The following DPP6 variants were observed in gnomAD, a reference collection of about 807,000 sequenced individuals.
DPP6 encodes the protein dipeptidyl peptidase like 6.
DPP6 carries 69 observed loss-of-function variants against 122.6 expected under a neutral mutation model. The ratio of observed to expected loss-of-function variants is 0.56; its 90% CI spans 0.46 to 0.69. The LOEUF (loss-of-function observed/expected upper bound fraction) is 0.69, where lower values mean the gene tolerates loss of function less well. DPP6 is among the 30% of genes least tolerant of loss of function. The pLI is 0.00. For synonymous variants in DPP6, 418 were observed against 433.1 expected (o/e 0.97, Z 0.43); for missense variants, 928 against 1,116.9 (o/e 0.83, Z 2.41).
At position 154,574,864 on chromosome 7, in the gene DPP6, T is replaced by C. The variant is rs1271322356; in HGVS notation, c.627+7948T>C. Among the ~76,000 whole-genome samples, 73 of 143,388 alleles carry C rather than the reference T, an allele frequency of 5.1e-4. 1 individual carries two copies. Among genetic ancestry groups the C allele is most frequent in the Non-Finnish European group, 5.3e-4 (35 of 65,748 alleles). 94.1% of individuals were successfully genotyped at this position (143,388 alleles called of 152,430 possible). A position where few individuals can be genotyped will look rare whatever the true frequency, so the allele number is the denominator to read the frequency against. Reference sequence around the variant, plus strand: ...ACGTGTGTGATGTGTGTGGTGTGTGTGTTTGTGTGTTGTGTGTGTGTGGTG... The same window carrying C: ...ACGTGTGTGATGTGTGTGGTGTGTGCGTTTGTGTGTTGTGTGTGTGTGGTG... On this transcript the variant is annotated intron_variant, in intron 5 of 25. Transcript: ENST00000377770.
At position 154,600,351 on chromosome 7, in the gene DPP6, A is replaced by T. The variant is rs527630562; in HGVS notation, c.627+33435A>T. 2.6e-5 allele frequency among the ~76,000 whole-genome samples: 3 copies of T among 116,636 alleles called. 1 individual carries two copies. Among genetic ancestry groups the T allele is most frequent in the Non-Finnish European group, 5.8e-5 (3 of 52,156 alleles). 76.5% of individuals were successfully genotyped at this position (116,636 alleles called of 152,430 possible). A position where few individuals can be genotyped will look rare whatever the true frequency, so the allele number is the denominator to read the frequency against. ...ACCATGTTGGCCAGGCTGGTCTCGA[A>T]CTCCTGACCTCAGGTGATCCACCTG... On this transcript the variant is annotated intron_variant, in intron 5 of 25. Coordinates refer to ENST00000377770, the MANE Select transcript of DPP6 (RefSeq NM_130797.4).
intron 1 of DPP6, among the ~76,000 whole-genome samples, chr7:154,256,958 C>A (rs1045774699): frequency 6.6e-6 from 1 of 151,706 alleles, no homozygotes; most frequent in Non-Finnish European, 1.5e-5. Context: ...GCATGAAATA[C>A]CCCCTTGGGT....
upstream of DPP6, among the ~76,000 whole-genome samples, chr7:153,882,476 A>G (rs1798782569): frequency 6.6e-6 from 1 of 152,246 alleles, no homozygotes; most frequent in Non-Finnish European, 1.5e-5. Context: ...AATAACACTG[A>G]TAAAGTGACA....
At chr7:154,646,343 A>G (rs907806882) in intron 6 of DPP6, among the ~76,000 whole-genome samples, 1 of 152,108 alleles carries the variant, frequency 6.6e-6, no homozygotes, top group African/African-American at 2.4e-5. Flanking sequence ...GTGTCCAGTC[A>G]TTGCTCCCAA....
At chr7:153,918,458 ACACACACACTCTCTCTCT>A (rs1800431903) in intron 1 of DPP6, among the ~76,000 whole-genome samples, 1 of 95,200 alleles carries the variant, frequency 1.1e-5, no homozygotes, top group Non-Finnish European at 2.3e-5. Flanking sequence ...ACACACACAC[ACACACACACTCTCTCTCT>A]CTCTCTCTCT....
Position 154,794,127 on chromosome 7 carries a change from C to A in DPP6, c.1185C>A (p.Ala395=). 1 of 1,613,614 alleles carries A rather than the reference C, an allele frequency of 6.2e-7. No homozygotes were observed. Among genetic ancestry groups the A allele is most frequent in the Non-Finnish European group, 8.5e-7 (1 of 1,179,712 alleles). Residue 395 remains alanine (A), a synonymous_variant, in exon 11 of 26, where the codon GCC becomes GCA. Transcript: ENST00000377770. ...AGTGGGCCACCAGCACCAAGGTCGC[C>A]GTGACCTGGCTGAACCGGGCGCAGA... ...MVKWATSTKV[A]VTWLNRAQNV... is the part of the protein sequence containing the mutation.
chr7:154,189,514 G>A (rs1798510924), intron 1 of DPP6, among the ~76,000 whole-genome samples: 1 of 152,224 alleles, frequency 6.6e-6, no homozygotes, highest in Non-Finnish European at 1.5e-5. Context: ...GCACCACTTA[G>A]TAAGATGTTT....
intron 16 of DPP6, among the ~76,000 whole-genome samples, chr7:154,839,489 T>C (rs1192486583): frequency 6.6e-6 from 1 of 152,174 alleles, no homozygotes; most frequent in Non-Finnish European, 1.5e-5. Context: ...CTCTGTGAAA[T>C]GGGGACGTAG....
rs1345005567 is a variant in DPP6 at position 154,319,977 on chromosome 7, C to A, written c.244-126237C>A. The stretch of plus-strand genomic sequence containing the variant: ...CTGTACTCCAGCCTGGGTGACAGAG[C>A]AAGACTCTGTCTCAAATATTTCAAA... On this transcript the variant is annotated intron_variant, in intron 1 of 25. Transcript: ENST00000377770. Among the ~76,000 whole-genome samples the A allele has an allele frequency of 2.1e-5, 3 of 140,526 alleles. No homozygotes were observed. In the East Asian group the frequency reaches 6.4e-4, roughly 30 times the overall value. 92.2% of individuals were successfully genotyped at this position (140,526 alleles called of 152,430 possible). A position where few individuals can be genotyped will look rare whatever the true frequency, so the allele number is the denominator to read the frequency against.
chr7:154,656,002 A>G (rs1359448970), intron 6 of DPP6, among the ~76,000 whole-genome samples: 1 of 151,960 alleles, frequency 6.6e-6, no homozygotes, highest in Non-Finnish European at 1.5e-5. Context: ...GCTTAAAACA[A>G]CAGAAATTGC....
the DPP6 span, among the ~76,000 whole-genome samples, chr7:153,803,399 A>G: frequency 1.3e-5 from 2 of 151,358 alleles, no homozygotes; most frequent in Admixed American, 1.3e-4. Flanking sequence ...CTTTCAGTCC[A>G]TGGAGGCGGA....
chr7:153,948,653 T>G (rs1363477800), intron 1 of DPP6, among the ~76,000 whole-genome samples: 1 of 150,192 alleles, frequency 6.7e-6, no homozygotes, highest in African/African-American at 2.5e-5. Flanking sequence ...TGAGATAAAA[T>G]ATGTAGACTT....
At chr7:153,962,252 G>A (rs916542051) in intron 1 of DPP6, among the ~76,000 whole-genome samples, 1 of 152,078 alleles carries the variant, frequency 6.6e-6, no homozygotes, top group Non-Finnish European at 1.5e-5. Flanking sequence ...CTGTGAAACG[G>A]TGTTTCTTTG....
chr7:154,559,372 T>C (rs1830265490), intron 4 of DPP6, among the ~76,000 whole-genome samples: 1 of 138,016 alleles, frequency 7.2e-6, no homozygotes, highest in Non-Finnish European at 1.5e-5. Flanking sequence ...CTGAACAGCA[T>C]GTCAATAAGC....
At chr7:154,809,082 C>T (rs1563235329) in intron 16 of DPP6, among the ~76,000 whole-genome samples, 2 of 152,134 alleles carry the variant, frequency 1.3e-5, no homozygotes, top group Non-Finnish European at 2.9e-5. Flanking sequence ...CAAATTCTTA[C>T]TATAACCAGC....
chr7:153,772,265 G>A, the DPP6 span, among the ~76,000 whole-genome samples: 1 of 152,124 alleles, frequency 6.6e-6, no homozygotes, highest in Non-Finnish European at 1.5e-5. Context: ...TGTGTTTTTA[G>A]TACAGATGGT....
chr7:154,537,631 A>G (rs1325089848), intron 3 of DPP6, among the ~76,000 whole-genome samples: 1 of 152,058 alleles, frequency 6.6e-6, no homozygotes, highest in Non-Finnish European at 1.5e-5. Context: ...CAGAGGTTGC[A>G]GTGAGCCGAG....
intron 8 of DPP6, among the ~76,000 whole-genome samples, chr7:154,761,788 G>T (rs1216541759): frequency 6.6e-6 from 1 of 151,928 alleles, no homozygotes; most frequent in Non-Finnish European, 1.5e-5. Context: ...ATGTTGGTGT[G>T]CTGCACCCAT....
chr7:154,091,156 C>T (rs112946040), intron 1 of DPP6, among the ~76,000 whole-genome samples: 3,083 of 151,880 alleles, frequency 0.02, 41 homozygotes, highest in Non-Finnish European at 0.035. Context: ...GCAATTCAGT[C>T]GTATTTATTG....
Sources: allele counts gnomAD v4.1 joint callset (sites outside exome capture counted in the v4.1 genomes callset), GRCh38; gene constraint gnomAD v4.1.1; transcripts MANE v1.5; gene names NCBI Gene and HGNC (gene_info 2026-07-23, HGNC 2026-07-21).